Variants in MTOR observed in about 807,000 individuals in gnomAD.
MTOR encodes the protein serine/threonine-protein kinase mTOR.
In MTOR, 70 loss-of-function variants were observed where a neutral mutation model predicts 319.8. The ratio of observed to expected loss-of-function variants is 0.22; its 90% CI spans 0.18 to 0.27. The LOEUF is 0.27. MTOR is among the 10% of genes least tolerant of loss of function. The probability of loss-of-function intolerance (pLI) is 1.00; values close to 1 mark genes in which losing one functional copy is unlikely to be tolerated. For missense variants in MTOR, 1,890 were observed against 3,274.4 expected (o/e 0.58, Z 10.32); for synonymous variants, 1,183 against 1,211.4 (o/e 0.98, Z 0.49).
At chr1:11,182,315 G>T (rs1314936840) in intron 28 of MTOR, among the ~76,000 whole-genome samples, 1 of 152,066 alleles carries the variant, frequency 6.6e-6, no homozygotes, top group Non-Finnish European at 1.5e-5. Context: ...GATTTATGGG[G>T]ATTTATGTTA....
intron 53 of MTOR, among the ~76,000 whole-genome samples, chr1:11,113,582 GTTTTC>G (rs1042213074): frequency 2.6e-5 from 4 of 151,660 alleles, no homozygotes; most frequent in Admixed American, 6.6e-5. Flanking sequence ...TTTTTTATTT[GTTTTC>G]TTTTATTTTT....
chr1:11,206,747 G>A (rs893822192), intron 25 of MTOR, among the ~76,000 whole-genome samples: 3 of 152,160 alleles, frequency 2.0e-5, no homozygotes, highest in Non-Finnish European at 4.4e-5. Context: ...AACACGAGCT[G>A]CTTCCTCTTG....
At position 11,167,591 on chromosome 1, in the gene MTOR, C is replaced by T. The variant is rs571091491; in HGVS notation, c.4254-74G>A. ...AGGAGATGTGGGGGTCATTTGTGGG[C>T]AGATGGTTCACCAGCACTTTGAGGA... On this transcript the variant is annotated intron_variant, in intron 28 of 57. Coordinates refer to ENST00000361445, the MANE Select transcript of MTOR (RefSeq NM_004958.4). 2.8e-5 allele frequency: 32 copies of T among 1,133,402 alleles called. No homozygotes were observed. In the East Asian group the frequency reaches 4.5e-4, roughly 16 times the overall value. 70.2% of individuals were successfully genotyped at this position (1,133,402 alleles called of 1,614,324 possible).
rs1018718718 is a variant in MTOR, at chr1:11,243,362, G to C, written c.1226-62C>G. On this transcript the variant is annotated intron_variant, in intron 8 of 57. Coordinates refer to ENST00000361445, the MANE Select transcript of MTOR (RefSeq NM_004958.4). ...CAGGGTTAGGGTCTACATATCAACA[G>C]TCAAAGGTCCTATAAAGCAATTCAG... The C allele has an allele frequency of 1.3e-5, 19 of 1,469,264 alleles. No individual in the cohort carries two copies. In the African/African-American group the frequency reaches 2.7e-4, roughly 21 times the overall value. 91.0% of individuals were successfully genotyped at this position (1,469,264 alleles called of 1,614,324 possible).
rs564439710 is a variant in MTOR at position 11,146,713 on chromosome 1, A to C, written c.4649T>G (p.Leu1550Arg). Residue 1550 changes from leucine to arginine, a missense_variant, in exon 32 of 58, where the codon CTG becomes CGG. Around this residue, in one of 15 missense-constraint regions of MTOR, gnomAD observed 276 missense variants for 459.4 expected, o/e 0.60. Coordinates refer to ENST00000361445, the MANE Select transcript of MTOR (RefSeq NM_004958.4). ...GGAGAAGAGGTCCTGATGCAGTGCCAGCACAGCTCTATAAAATGCCCCATC... is the reference window on the plus strand; with the variant it reads ...GGAGAAGAGGTCCTGATGCAGTGCCCGCACAGCTCTATAAAATGCCCCATC... ...THDGAFYRAV[L>R]ALHQDLFSLA... 6 of 1,614,152 alleles carry C rather than the reference A, an allele frequency of 3.7e-6. No homozygotes were observed. In the African/African-American group the frequency reaches 8.0e-5, roughly 22 times the overall value.
chr1:11,233,581 A>C lies in MTOR; in HGVS notation c.2332-94T>G, dbSNP rs1313582355. The C allele has an allele frequency of 8.6e-6, 8 of 931,280 alleles. No individual in the cohort carries two copies. The East Asian group carries it at 2.0e-4, about 23-fold the overall frequency. 57.7% of individuals were successfully genotyped at this position (931,280 alleles called of 1,614,324 possible). On this transcript the variant is annotated intron_variant, in intron 14 of 57. Transcript: ENST00000361445. ...TAAAATTCACCCAAGAGACCATCTC[A>C]GTCATAAAGAAATTCCTTCTAGGCT...
At chr1:11,144,916 A>G (rs1404949685) in intron 33 of MTOR, 52 bp downstream of exon 33, 1 of 1,597,770 alleles carries the variant, frequency 6.3e-7, no homozygotes. Context: ...TTCTGAAAAA[A>G]GTATGGAAAT....
chr1:11,233,343 G>A lies in MTOR; in HGVS notation c.2421+55C>T, dbSNP rs141057304. 191 of 1,494,342 alleles carry A rather than the reference G, an allele frequency of 1.3e-4. No homozygotes were observed. In the African/African-American group the frequency reaches 2.3e-3, roughly 18 times the overall value. The allele number at this position is 1,494,342 out of a possible 1,614,324, so 92.6% of individuals were successfully genotyped here. A position where few individuals can be genotyped will look rare whatever the true frequency, so the allele number is the denominator to read the frequency against. ...AAAATAGTATTTTGACTTCCTTAGA[G>A]GTTAGTTTCTTTTCCACCCTATCTC... On this transcript the variant is annotated intron_variant, in intron 15 of 57. Transcript: ENST00000361445.
At chr1:11,188,954 A>G (rs1462529652) in intron 28 of MTOR, among the ~76,000 whole-genome samples, 2 of 152,224 alleles carry the variant, frequency 1.3e-5, no homozygotes, top group African/African-American at 4.8e-5. Context: ...CATGGATTAC[A>G]TTAACAGGCC....
intron 24 of MTOR, among the ~76,000 whole-genome samples, chr1:11,210,065 G>A (rs187305932): frequency 2.0e-5 from 3 of 152,120 alleles, no homozygotes; most frequent in Non-Finnish European, 4.4e-5. Context: ...ACGAGGTTTC[G>A]CCATGTTGGC....
chr1:11,223,749 C>T (rs768784758), intron 19 of MTOR, among the ~76,000 whole-genome samples: 15 of 151,840 alleles, frequency 9.9e-5, no homozygotes, highest in South Asian at 2.1e-4. Context: ...TGGAAATAAA[C>T]GCAAACATGG....
At chr1:11,134,997 A>G (rs1022291287) in intron 36 of MTOR, among the ~76,000 whole-genome samples, 4 of 152,250 alleles carry the variant, frequency 2.6e-5, no homozygotes, top group Non-Finnish European at 5.9e-5. Flanking sequence ...TAGGGAGAAG[A>G]TATTAGCTCA....
intron 28 of MTOR, among the ~76,000 whole-genome samples, chr1:11,170,321 GCT>G (rs1644773115): frequency 9.3e-5 from 14 of 151,062 alleles, no homozygotes; most frequent in African/African-American, 3.5e-4. Flanking sequence ...ATCACATGGG[GCT>G]GGGTAAACTG....
intron 30 of MTOR, among the ~76,000 whole-genome samples, chr1:11,152,737 A>G (rs1395575700): frequency 6.6e-6 from 1 of 152,200 alleles, no homozygotes; most frequent in Non-Finnish European, 1.5e-5. Flanking sequence ...CCTCTGATGA[A>G]CATCTGCCTC....
At chr1:11,193,745 C>A (rs753849464) in intron 28 of MTOR, 1 of 1,614,152 alleles carries the variant, frequency 6.2e-7, no homozygotes, top group Non-Finnish European at 8.5e-7. Flanking sequence ...GCTCTCCAGA[C>A]AGCCAACCCG....
intron 49 of MTOR, among the ~76,000 whole-genome samples, chr1:11,118,616 TTC>T (rs1642321330): frequency 1.4e-5 from 2 of 145,950 alleles, no homozygotes; most frequent in Non-Finnish European, 1.5e-5. Flanking sequence ...CTTTTTCTTC[TTC>T]TTTTTTTTTT....
At position 11,127,177 on chromosome 1, in the gene MTOR, T is replaced by C; in HGVS notation, c.6217-33A>G. Reference sequence around the variant, plus strand: ...AGAAAGCAGGCACGTTTTCAAGTTATCAAAGTCTCAACCAACCCAGGAGGC... The same window carrying C: ...AGAAAGCAGGCACGTTTTCAAGTTACCAAAGTCTCAACCAACCCAGGAGGC... On this transcript the variant is annotated intron_variant, in intron 44 of 57. Transcript: ENST00000361445. This position sits in a 1 kb window ranked among gnomAD's most constrained non-coding sequence, Gnocchi z 5.5. 6.2e-7 allele frequency: 1 copy of C among 1,612,202 alleles called. No individual in the cohort carries two copies. The highest frequency in any genetic ancestry group is 8.5e-7 in the Non-Finnish European group (1 of 1,179,542).
intron 8 of MTOR, among the ~76,000 whole-genome samples, chr1:11,244,185 A>G (rs12036364): frequency 0.64 from 96,844 of 150,734 alleles, 33,434 homozygotes; most frequent in East Asian, 0.91. Context: ...CTAGCTACTC[A>G]GGAGACTGAG....
intron 28 of MTOR, among the ~76,000 whole-genome samples, chr1:11,173,951 A>G (rs2100640740): frequency 6.6e-6 from 1 of 152,366 alleles, no homozygotes; most frequent in Non-Finnish European, 1.5e-5. Context: ...AAATAAGAAG[A>G]GAGCTCACCA....
Sources: allele counts gnomAD v4.1 joint callset (sites outside exome capture counted in the v4.1 genomes callset), GRCh38; gene constraint gnomAD v4.1.1; regional missense constraint gnomAD v4.1.1; non-coding constraint Gnocchi (gnomAD v3.1); transcripts MANE v1.5; gene names NCBI Gene and HGNC (gene_info 2026-07-23, HGNC 2026-07-21).